Variants in CNTNAP2 observed in about 807,000 individuals in gnomAD.
CNTNAP2 encodes the protein contactin associated protein 2.
In CNTNAP2, 98 loss-of-function variants were observed where a neutral mutation model predicts 155.2. That is an observed-to-expected ratio of 0.63 (90% CI 0.54 to 0.75). The LOEUF is 0.75. CNTNAP2 is among the 30% of genes least tolerant of loss of function. CNTNAP2 has a pLI of 0.00. For synonymous variants in CNTNAP2, 651 were observed against 631.2 expected (o/e 1.03, Z -0.47); for missense variants, 1,727 against 1,688.1 (o/e 1.02, Z -0.40).
At chr7:148,334,147 G>A (rs10237773) in intron 21 of CNTNAP2, among the ~76,000 whole-genome samples, 1 of 152,156 alleles carries the variant, frequency 6.6e-6, no homozygotes, top group Non-Finnish European at 1.5e-5. Flanking sequence ...CATGACTTAC[G>A]TTCTTTTATC....
chr7:146,836,384 A>G (rs1389849257), intron 2 of CNTNAP2, among the ~76,000 whole-genome samples: 2 of 152,206 alleles, frequency 1.3e-5, no homozygotes, highest in East Asian at 1.9e-4. Context: ...ATACTATAAT[A>G]GAATTTGGCA....
chr7:146,358,307 T>A (rs1055475764), intron 1 of CNTNAP2, among the ~76,000 whole-genome samples: 1 of 152,140 alleles, frequency 6.6e-6, no homozygotes, highest in African/African-American at 2.4e-5. Flanking sequence ...GTGCTGGGAT[T>A]ACAGGCGTGA....
chr7:147,970,022 T>G (rs2116853890), intron 14 of CNTNAP2, among the ~76,000 whole-genome samples: 1 of 152,070 alleles, frequency 6.6e-6, no homozygotes, highest in East Asian at 1.9e-4. Context: ...CTCAACCTCC[T>G]GGGCTCAAGC....
intron 14 of CNTNAP2, among the ~76,000 whole-genome samples, chr7:147,961,625 C>A (rs532742753): frequency 6.6e-6 from 1 of 152,180 alleles, no homozygotes; most frequent in South Asian, 2.1e-4. Flanking sequence ...ATATTAAAAC[C>A]TTTACTTCCA....
chr7:147,925,201 A>AGGAG (rs1800369491), intron 14 of CNTNAP2, among the ~76,000 whole-genome samples: 1 of 149,336 alleles, frequency 6.7e-6, no homozygotes, highest in African/African-American at 2.5e-5. Flanking sequence ...GAAGGAAGGA[A>AGGAG]GGAAGGAAAG....
At chr7:148,342,920 G>T (rs1160012789) in intron 21 of CNTNAP2, among the ~76,000 whole-genome samples, 1 of 152,240 alleles carries the variant, frequency 6.6e-6, no homozygotes, top group East Asian at 1.9e-4. Flanking sequence ...CTTCCAACAA[G>T]AAAGGGTTTT....
intron 21 of CNTNAP2, among the ~76,000 whole-genome samples, chr7:148,358,978 C>T (rs1798570109): frequency 6.6e-6 from 1 of 152,178 alleles, no homozygotes; most frequent in African/African-American, 2.4e-5. Flanking sequence ...CAGTCATGTG[C>T]TGTGTAAGGA....
chr7:147,027,555 T>C (rs1332917060), intron 3 of CNTNAP2, among the ~76,000 whole-genome samples: 1 of 152,246 alleles, frequency 6.6e-6, no homozygotes, highest in Admixed American at 6.5e-5. Flanking sequence ...TGGCAACGTA[T>C]GAACAAAAGG....
At position 146,537,018 on chromosome 7, in the gene CNTNAP2, G is replaced by A. The variant is rs544222091; in HGVS notation, c.98-237253G>A. On this transcript the variant is annotated intron_variant, in intron 1 of 23. Transcript: ENST00000361727. The stretch of plus-strand genomic sequence containing the variant: ...GGTAGAAAGACATTTATATTTGAAC[G>A]GTTAAAATTATTACCACAAGTCCCC... Among the ~76,000 whole-genome samples, 16 of 152,088 alleles carry A rather than the reference G, an allele frequency of 1.1e-4. No homozygotes were observed. The South Asian group carries it at 2.5e-3, about 24-fold the overall frequency.
intron 13 of CNTNAP2, among the ~76,000 whole-genome samples, chr7:147,902,302 T>C (rs1799882468): frequency 6.6e-6 from 1 of 152,252 alleles, no homozygotes; most frequent in Non-Finnish European, 1.5e-5. Flanking sequence ...ACCTTTATGC[T>C]TATGTTTATA....
intron 8 of CNTNAP2, among the ~76,000 whole-genome samples, chr7:147,146,046 G>T (rs562458499): frequency 2.0e-5 from 3 of 152,164 alleles, no homozygotes; most frequent in Non-Finnish European, 4.4e-5. Context: ...CTTTGTGTGA[G>T]CTTGACATGA....
intron 3 of CNTNAP2, among the ~76,000 whole-genome samples, chr7:146,880,636 T>C (rs1422752525): frequency 6.6e-6 from 1 of 152,122 alleles, no homozygotes; most frequent in Non-Finnish European, 1.5e-5. Context: ...TCATCCCAAC[T>C]AAACCATTTA....
chr7:147,747,645 T>C (rs1797067441), intron 13 of CNTNAP2, among the ~76,000 whole-genome samples: 2 of 152,346 alleles, frequency 1.3e-5, no homozygotes, highest in East Asian at 3.9e-4. Context: ...ATGATAGTTC[T>C]AGTTTTAGTT....
chr7:146,830,212 T>A (rs1044920972), intron 2 of CNTNAP2, among the ~76,000 whole-genome samples: 3 of 152,116 alleles, frequency 2.0e-5, no homozygotes, highest in African/African-American at 7.2e-5. Flanking sequence ...ATGCTGTATG[T>A]TCTCTTCCAG....
Position 146,934,035 on chromosome 7 carries a change from T to A in CNTNAP2, c.402+94131T>A, listed in dbSNP as rs182774495. Among the ~76,000 whole-genome samples, 1,181 of 152,132 alleles carry A rather than the reference T, an allele frequency of 7.8e-3. 12 individuals are homozygous for A. The highest frequency in any genetic ancestry group is 0.014 in the African/African-American group (597 of 41,520). On this transcript the variant is annotated intron_variant, in intron 3 of 23. Coordinates refer to ENST00000361727, the MANE Select transcript of CNTNAP2 (RefSeq NM_014141.6). ...AACCCTTGTGGAAGTCAGTGTGGCG[T>A]TTCCTCAGGGATCTAGAACTAGAAA...
At chr7:147,552,404 T>C (rs577801706) in intron 11 of CNTNAP2, among the ~76,000 whole-genome samples, 3 of 152,306 alleles carry the variant, frequency 2.0e-5, no homozygotes, top group African/African-American at 7.2e-5. Context: ...TATACAAACG[T>C]AGCTATCTTT....
intron 8 of CNTNAP2, among the ~76,000 whole-genome samples, chr7:147,280,252 ATAAAT>A (rs1177123371): frequency 6.6e-6 from 1 of 151,896 alleles, no homozygotes; most frequent in Non-Finnish European, 1.5e-5. Flanking sequence ...CTGGGAATAA[ATAAAT>A]TAAACAACTG....
chr7:147,419,850 T>G (rs1396396023), intron 10 of CNTNAP2, among the ~76,000 whole-genome samples: 1 of 152,206 alleles, frequency 6.6e-6, no homozygotes, highest in East Asian at 1.9e-4. Context: ...AGAATAGTTA[T>G]AGATTGTGAT....
rs192886406 is a variant in CNTNAP2, at chr7:147,572,147, C to T, written c.1897+9890C>T. Among the ~76,000 whole-genome samples, 10 of 152,266 alleles carry T rather than the reference C, an allele frequency of 6.6e-5. No individual in the cohort carries two copies. In the East Asian group the frequency reaches 1.6e-3, roughly 24 times the overall value. On this transcript the variant is annotated intron_variant, in intron 12 of 23. Coordinates refer to ENST00000361727, the MANE Select transcript of CNTNAP2 (RefSeq NM_014141.6). ...GCCTGTAAAGAACTCTTCTCCGTAA[C>T]GGATTACCCACTCCCAAAGACTCCC...
Sources: gnomAD v4.1 joint callset for allele counts (sites outside exome capture counted in the v4.1 genomes callset) on GRCh38, gnomAD v4.1.1 for gene constraint, MANE v1.5 for transcripts, NCBI Gene and HGNC (gene_info 2026-07-23, HGNC 2026-07-21) for gene names.